ARHGAP20: variants seen among roughly 807,000 people sequenced by gnomAD.
ARHGAP20 encodes the protein rho GTPase-activating protein 20.
ARHGAP20 carries 34 observed loss-of-function variants against 73.7 expected under a neutral mutation model. That is an observed-to-expected ratio of 0.46 (90% CI 0.35 to 0.61). The LOEUF (loss-of-function observed/expected upper bound fraction) is 0.61. ARHGAP20 is among the 20% of genes least tolerant of loss of function. The probability of loss-of-function intolerance (pLI) is 0.00; values close to 1 mark genes in which losing one functional copy is unlikely to be tolerated. For missense variants in ARHGAP20, 1,314 were observed against 1,420.9 expected (o/e 0.92, Z 1.21); for synonymous variants, 523 against 518.2 (o/e 1.01, Z -0.13).
rs1371997569 is a variant in ARHGAP20, at chr11:110,585,119, ATGAATATATG to A, written c.1415+1087_1415+1096del. On this transcript the variant is annotated intron_variant, in intron 12 of 14. Transcript: ENST00000683387. ...AATATATGAATATATGTGAATATAT[ATGAATATATG>A]TGAATGTATATATGAATATATACAT... Among the ~76,000 whole-genome samples, 373 of 151,236 alleles carry A rather than the reference ATGAATATATG, an allele frequency of 2.5e-3. 3 individuals carry two copies. The highest frequency in any genetic ancestry group is 8.7e-3 in the African/African-American group (361 of 41,276).
At chr11:110,582,237 C>T in intron 14 of ARHGAP20, 84 bp downstream of exon 14, 2 of 1,141,818 alleles carry the variant, frequency 1.8e-6, no homozygotes, top group Admixed American at 1.7e-5. Context: ...CTGCTGTGGG[C>T]TCCAGGAAAA....
chr11:110,632,526 T>G (rs770003069), intron 2 of ARHGAP20, among the ~76,000 whole-genome samples: 1 of 152,132 alleles, frequency 6.6e-6, no homozygotes, highest in African/African-American at 2.4e-5. Context: ...TGCCTCAGCC[T>G]CCTGAGTAGC....
chr11:110,640,170 T>C (rs749838544), intron 2 of ARHGAP20, among the ~76,000 whole-genome samples: 2 of 152,054 alleles, frequency 1.3e-5, no homozygotes. Flanking sequence ...TGGATCCTCA[T>C]AACCTATAGT....
At chr11:110,633,313 T>C (rs1170580450) in intron 2 of ARHGAP20, among the ~76,000 whole-genome samples, 1 of 152,180 alleles carries the variant, frequency 6.6e-6, no homozygotes, top group Non-Finnish European at 1.5e-5. Flanking sequence ...ATTGCTTTGG[T>C]ACCTTCTTAA....
At chr11:110,599,346 C>A (rs1014912759) in intron 9 of ARHGAP20, among the ~76,000 whole-genome samples, 1 of 152,234 alleles carries the variant, frequency 6.6e-6, no homozygotes, top group African/African-American at 2.4e-5. Flanking sequence ...CCAGGTTGTG[C>A]AAACACTTGG....
intron 1 of ARHGAP20, among the ~76,000 whole-genome samples, chr11:110,707,855 AT>A (rs1950576797): frequency 7.1e-6 from 1 of 140,850 alleles, no homozygotes; most frequent in Non-Finnish European, 1.5e-5. Context: ...CCATTTATTC[AT>A]TTTTTTGTTT....
intron 2 of ARHGAP20, among the ~76,000 whole-genome samples, chr11:110,644,517 C>G (rs557118745): frequency 6.6e-6 from 1 of 152,212 alleles, no homozygotes; most frequent in East Asian, 1.9e-4. Flanking sequence ...CTACAACCAT[C>G]TGATCTTTGA....
intron 1 of ARHGAP20, among the ~76,000 whole-genome samples, chr11:110,705,424 A>T (rs1018369136): frequency 5.9e-5 from 9 of 152,202 alleles, no homozygotes; most frequent in African/African-American, 2.2e-4. Flanking sequence ...CAACAACTGC[A>T]CTAACTATTT....
chr11:110,666,578 T>C (rs1591157712), intron 2 of ARHGAP20, among the ~76,000 whole-genome samples: 1 of 152,230 alleles, frequency 6.6e-6, no homozygotes, highest in Non-Finnish European at 1.5e-5. Context: ...CTTTACTTTA[T>C]TGTACTTTGC....
intron 2 of ARHGAP20, among the ~76,000 whole-genome samples, chr11:110,689,556 T>C (rs1317264638): frequency 6.6e-6 from 1 of 152,204 alleles, no homozygotes; most frequent in Non-Finnish European, 1.5e-5. Flanking sequence ...GACTATTCAA[T>C]TTCAACACAT....
intron 2 of ARHGAP20, among the ~76,000 whole-genome samples, chr11:110,646,455 G>A (rs1337899128): frequency 6.6e-6 from 1 of 151,992 alleles, no homozygotes; most frequent in East Asian, 1.9e-4. Context: ...GCAAACCATA[G>A]CAACGATTTG....
chr11:110,682,134 G>T (rs1013273888), intron 2 of ARHGAP20, among the ~76,000 whole-genome samples: 8 of 152,136 alleles, frequency 5.3e-5, no homozygotes, highest in African/African-American at 1.9e-4. Context: ...TTTAACATTA[G>T]ACTCTAGCAG....
intron 2 of ARHGAP20, among the ~76,000 whole-genome samples, chr11:110,662,928 T>C (rs957459684): frequency 2.6e-5 from 4 of 151,932 alleles, no homozygotes; most frequent in Non-Finnish European, 5.9e-5. Context: ...CTTGTCATAT[T>C]AAAAATACTC....
intron 9 of ARHGAP20, among the ~76,000 whole-genome samples, chr11:110,604,899 T>C (rs1286991078): frequency 6.6e-6 from 1 of 152,154 alleles, no homozygotes; most frequent in African/African-American, 2.4e-5. Context: ...TGGAAATTTA[T>C]ATAAGACAGT....
intron 1 of ARHGAP20, among the ~76,000 whole-genome samples, chr11:110,696,387 C>A (rs527676377): frequency 2.0e-5 from 3 of 151,772 alleles, no homozygotes; most frequent in African/African-American, 7.2e-5. Flanking sequence ...TCCAGCCCAG[C>A]AAACTGGTCC....
rs761903380 is a variant in ARHGAP20 at position 110,577,711 on chromosome 11, A to C, written c.*1659T>G. On this transcript the variant is annotated 3_prime_UTR_variant, in exon 15 of 15. Transcript: ENST00000683387. ...GTGACTCAGATGGCCAGTGTCACGA[A>C]GTAGCTCTTTGGATACAGAGTTCTA... 150 of 985,952 alleles carry C rather than the reference A, an allele frequency of 1.5e-4. No homozygotes were observed. Among genetic ancestry groups the C allele is most frequent in the Non-Finnish European group, 1.2e-4 (97 of 829,974 alleles). 61.1% of individuals were successfully genotyped at this position (985,952 alleles called of 1,614,324 possible). A position where few individuals can be genotyped will look rare whatever the true frequency, so the allele number is the denominator to read the frequency against.
In ARHGAP20 at chr11:110,577,731, G is replaced by A; in HGVS notation, c.*1639C>T. The A allele has an allele frequency of 1.0e-6, 1 of 985,884 alleles. No individual in the cohort carries two copies. The highest frequency in any genetic ancestry group is 1.2e-6 in the Non-Finnish European group (1 of 829,960). The allele number at this position is 985,884 out of a possible 1,614,324, so 61.1% of individuals were successfully genotyped here. On this transcript the variant is annotated 3_prime_UTR_variant, in exon 15 of 15. Coordinates refer to ENST00000683387, the MANE Select transcript of ARHGAP20 (RefSeq NM_001384657.1). Reference sequence around the variant, plus strand: ...CACGAAGTAGCTCTTTGGATACAGAGTTCTAAAAGATCATTGTAATGGTTA... The same window carrying A: ...CACGAAGTAGCTCTTTGGATACAGAATTCTAAAAGATCATTGTAATGGTTA...
chr11:110,612,843 T>C (rs1948399729), intron 6 of ARHGAP20, among the ~76,000 whole-genome samples: 1 of 152,228 alleles, frequency 6.6e-6, no homozygotes, highest in Non-Finnish European at 1.5e-5. Flanking sequence ...GTGTTCCTGG[T>C]AGCCCCAAGG....
chr11:110,686,270 TATA>T (rs1230828455), intron 2 of ARHGAP20, among the ~76,000 whole-genome samples: 4 of 152,062 alleles, frequency 2.6e-5, no homozygotes, highest in East Asian at 1.9e-4. Flanking sequence ...GAATGTTTAT[TATA>T]ATAAGATTTG....
Sources: allele counts gnomAD v4.1 joint callset (sites outside exome capture counted in the v4.1 genomes callset), GRCh38; gene constraint gnomAD v4.1.1; transcripts MANE v1.5; gene names NCBI Gene and HGNC (gene_info 2026-07-23, HGNC 2026-07-21).